The following KCNT2 variants were observed in gnomAD, a reference collection of about 807,000 sequenced individuals.
The protein encoded by KCNT2 is potassium sodium-activated channel subfamily T member 2.
A neutral mutation model predicts 153.8 loss-of-function variants in KCNT2; 67 were observed. The ratio of observed to expected loss-of-function variants is 0.44; its 90% CI spans 0.36 to 0.53. The LOEUF is 0.53. Among genes scored for constraint, KCNT2 ranks in the 20% least tolerant of loss-of-function variants. The pLI is 0.00. For missense variants in KCNT2, 975 were observed against 1,354.8 expected (o/e 0.72, Z 4.40); for synonymous variants, 500 against 458.8 (o/e 1.09, Z -1.15).
chr1:196,587,724 G>A (rs1662859936), intron 1 of KCNT2, among the ~76,000 whole-genome samples: 1 of 151,950 alleles, frequency 6.6e-6, no homozygotes, highest in Non-Finnish European at 1.5e-5. Context: ...ATGAAAAGAA[G>A]TATCAAAAAT....
At chr1:196,511,784 A>G (rs1681654086) in intron 1 of KCNT2, among the ~76,000 whole-genome samples, 1 of 152,182 alleles carries the variant, frequency 6.6e-6, no homozygotes, top group Non-Finnish European at 1.5e-5. Context: ...CAAGAACACA[A>G]GTCAGATTGG....
chr1:196,429,817 C>A, intron 8 of KCNT2, 60 bp from the exon 9 acceptor site: 1 of 1,220,802 alleles, frequency 8.2e-7, no homozygotes. Context: ...AATTTCTCAT[C>A]ATTATTCTTT....
chr1:196,497,741 C>T (rs12074844), intron 1 of KCNT2, among the ~76,000 whole-genome samples: 2,407 of 151,830 alleles, frequency 0.016, 20 homozygotes, highest in Middle Eastern at 0.028. Context: ...TATATTGTTC[C>T]TTTTCATGTA....
chr1:196,494,502 C>T (rs1008178865), intron 1 of KCNT2, among the ~76,000 whole-genome samples: 1 of 152,032 alleles, frequency 6.6e-6, no homozygotes, highest in African/African-American at 2.4e-5. Context: ...CGGGTTCACG[C>T]CATTCTTCTC....
chr1:196,540,066 T>C (rs1656131024), intron 1 of KCNT2, among the ~76,000 whole-genome samples: 1 of 152,108 alleles, frequency 6.6e-6, no homozygotes, highest in African/African-American at 2.4e-5. Flanking sequence ...TGAATTCCAT[T>C]TTTAAGGGTA....
intron 8 of KCNT2, among the ~76,000 whole-genome samples, chr1:196,463,233 C>A (rs754706135): frequency 6.6e-6 from 1 of 151,660 alleles, no homozygotes; most frequent in Non-Finnish European, 1.5e-5. Flanking sequence ...GTTAAAACAG[C>A]CTGCATGACA....
intron 8 of KCNT2, among the ~76,000 whole-genome samples, chr1:196,455,802 C>G (rs1045969433): frequency 1.6e-4 from 24 of 152,050 alleles, no homozygotes; most frequent in African/African-American, 5.8e-4. Context: ...CTCCTGGGGG[C>G]CAGCAGTACA....
At chr1:196,430,542 C>A (rs1163220486) in intron 8 of KCNT2, among the ~76,000 whole-genome samples, 1 of 151,992 alleles carries the variant, frequency 6.6e-6, no homozygotes, top group East Asian at 1.9e-4. Flanking sequence ...GGATTCCCAG[C>A]CTCCAAACGC....
intron 1 of KCNT2, among the ~76,000 whole-genome samples, chr1:196,508,357 T>C (rs1437593183): frequency 2.0e-5 from 3 of 151,944 alleles, no homozygotes; most frequent in South Asian, 2.1e-4. Context: ...AAGTATACTT[T>C]AGAAACAAAA....
chr1:196,534,709 G>C (rs1655339629), intron 1 of KCNT2, among the ~76,000 whole-genome samples: 1 of 152,132 alleles, frequency 6.6e-6, no homozygotes, highest in Admixed American at 6.6e-5. Context: ...CAAAAACTGT[G>C]AAAACAGAAT....
At chr1:196,229,757 A>G (rs1653787628) in intron 27 of KCNT2, among the ~76,000 whole-genome samples, 1 of 152,140 alleles carries the variant, frequency 6.6e-6, no homozygotes, top group African/African-American at 2.4e-5. Context: ...TGAGATGGCA[A>G]AAGTATGAGT....
chr1:196,229,512 A>C (rs951821735), intron 27 of KCNT2, among the ~76,000 whole-genome samples: 2 of 152,066 alleles, frequency 1.3e-5, no homozygotes, highest in Non-Finnish European at 2.9e-5. Context: ...ATAACCCAAA[A>C]ATGACTTGTA....
chr1:196,451,672 A>G (rs965692854), intron 8 of KCNT2, among the ~76,000 whole-genome samples: 2 of 151,700 alleles, frequency 1.3e-5, no homozygotes, highest in African/African-American at 2.4e-5. Context: ...AAGGAGCATT[A>G]ATTTTTTTAC....
intron 1 of KCNT2, among the ~76,000 whole-genome samples, chr1:196,556,173 T>C (rs1014341959): frequency 1.3e-5 from 2 of 151,412 alleles, no homozygotes; most frequent in African/African-American, 4.8e-5. Flanking sequence ...GTTAAAAACC[T>C]TCTGCTCTGC....
chr1:196,285,862 G>T, intron 22 of KCNT2, 104 bp from the exon 23 acceptor site: 1 of 679,662 alleles, frequency 1.5e-6, no homozygotes, highest in Non-Finnish European at 2.7e-6. Flanking sequence ...TCATCATATG[G>T]TTCTTAGCTA....
At chr1:196,410,791 A>G (rs1672236320) in intron 12 of KCNT2, among the ~76,000 whole-genome samples, 1 of 151,564 alleles carries the variant, frequency 6.6e-6, no homozygotes, top group African/African-American at 2.4e-5. Flanking sequence ...TGCCAAGACC[A>G]AAGTCAAGCT....
intron 1 of KCNT2, among the ~76,000 whole-genome samples, chr1:196,518,195 T>A (rs1275504548): frequency 6.6e-6 from 1 of 152,072 alleles, no homozygotes; most frequent in Non-Finnish European, 1.5e-5. Context: ...AGAAATATGA[T>A]CCTTTCCAGA....
chr1:196,525,212 T>G (rs188831858), intron 1 of KCNT2, among the ~76,000 whole-genome samples: 1 of 152,224 alleles, frequency 6.6e-6, no homozygotes, highest in African/African-American at 2.4e-5. Flanking sequence ...ATTTGTAGAT[T>G]TACGTAAAGC....
chr1:196,480,638 G>C (rs1403687012), intron 4 of KCNT2, among the ~76,000 whole-genome samples: 1 of 151,772 alleles, frequency 6.6e-6, no homozygotes, highest in Non-Finnish European at 1.5e-5. Context: ...GGCGGATCAC[G>C]AGGTCAGGAG....
Sources: gnomAD v4.1 joint callset for allele counts (sites outside exome capture counted in the v4.1 genomes callset) on GRCh38, gnomAD v4.1.1 for gene constraint, MANE v1.5 for transcripts, NCBI Gene and HGNC (gene_info 2026-07-23, HGNC 2026-07-21) for gene names.